Variants in KIF6 observed in about 807,000 individuals in gnomAD.
KIF6 encodes the protein kinesin-like protein KIF6.
A neutral mutation model predicts 112.7 loss-of-function variants in KIF6; 106 were observed. The observed-to-expected ratio is 0.94, with a 90% confidence interval of 0.80 to 1.11. The LOEUF (loss-of-function observed/expected upper bound fraction) is 1.11. Ranked by LOEUF, KIF6 falls within the 50% of genes least tolerant of loss-of-function variation. KIF6 has a pLI of 0.00. For missense variants in KIF6, 929 were observed against 964.0 expected, an observed-to-expected ratio of 0.96 and a Z score of 0.48; for synonymous variants, 339 against 339.9, an observed-to-expected ratio of 1.00 and a Z score of 0.03.
At chr6:39,700,553 G>A (rs1163221352) in intron 3 of KIF6, among the ~76,000 whole-genome samples, 5 of 152,132 alleles carry the variant, frequency 3.3e-5, no homozygotes, top group Non-Finnish European at 5.9e-5. Context: ...GGTTGAACAA[G>A]AAACTGAAAG....
intron 13 of KIF6, among the ~76,000 whole-genome samples, chr6:39,488,331 T>C (rs552729142): frequency 6.6e-6 from 1 of 152,274 alleles, no homozygotes; most frequent in South Asian, 2.1e-4. Flanking sequence ...ATTGTCTTGT[T>C]CTGATCCACA....
rs1442027436 is a variant in KIF6 at position 39,419,885 on chromosome 6, A to T, written c.1810+63T>A. The stretch of plus-strand genomic sequence containing the variant: ...CTTCATGGCCATTTGGAGGCACATC[A>T]TGACCTGATTTTCACCAGGAAAATG... On this transcript the variant is annotated intron_variant, in intron 15 of 22. Transcript: ENST00000287152. The T allele has an allele frequency of 2.8e-6, 4 of 1,403,920 alleles. No homozygotes were observed. In the East Asian group the frequency reaches 9.1e-5, roughly 32 times the overall value. 87.0% of individuals were successfully genotyped at this position (1,403,920 alleles called of 1,614,324 possible).
Position 39,662,961 on chromosome 6 carries a change from C to G in KIF6, c.252-23204G>C, listed in dbSNP as rs1276617337. On this transcript the variant is annotated intron_variant, in intron 3 of 22. Coordinates refer to ENST00000287152, the MANE Select transcript of KIF6 (RefSeq NM_145027.6). ...CCAGGCTGGAGTGCAGTGGCACCATCATGGCTCACTGCAGCCTCAACCTCA... is the reference window on the plus strand; with the variant it reads ...CCAGGCTGGAGTGCAGTGGCACCATGATGGCTCACTGCAGCCTCAACCTCA... Among the ~76,000 whole-genome samples the G allele has an allele frequency of 4.6e-5, 7 of 151,610 alleles. No individual in the cohort carries two copies. The South Asian group carries it at 1.5e-3, about 32-fold the overall frequency.
chr6:39,476,548 A>G (rs1013132752), intron 13 of KIF6, among the ~76,000 whole-genome samples: 1 of 152,212 alleles, frequency 6.6e-6, no homozygotes, highest in Non-Finnish European at 1.5e-5. Flanking sequence ...GTGGACTCTA[A>G]GAAGAAATGA....
intron 3 of KIF6, among the ~76,000 whole-genome samples, chr6:39,687,877 T>C (rs1162989035): frequency 2.0e-5 from 3 of 152,174 alleles, no homozygotes; most frequent in Non-Finnish European, 4.4e-5. Flanking sequence ...TTACTCCATG[T>C]AAAGCACTAT....
chr6:39,706,059 C>T (rs1007519927), intron 3 of KIF6, among the ~76,000 whole-genome samples: 2 of 152,154 alleles, frequency 1.3e-5, no homozygotes, highest in Non-Finnish European at 2.9e-5. Context: ...ACTTTTTAAT[C>T]CAAGTAACGC....
At chr6:39,590,447 ATATAT>A (rs1475210314) in intron 7 of KIF6, among the ~76,000 whole-genome samples, 4 of 114,358 alleles carry the variant, frequency 3.5e-5, no homozygotes, top group African/African-American at 1.6e-4. Context: ...ATATATATAT[ATATAT>A]TTTTTTTTTT....
intron 22 of KIF6, among the ~76,000 whole-genome samples, chr6:39,337,116 CTT>C (rs1227283320): frequency 3.3e-5 from 4 of 121,112 alleles, no homozygotes; most frequent in Non-Finnish European, 6.6e-5. Flanking sequence ...TCTTCTCTTT[CTT>C]TCTTTCTTTC....
Position 39,336,345 on chromosome 6 carries a change from C to CCAGCCT in KIF6, c.*181_*186dup. The CCAGCCT allele has an allele frequency of 1.6e-6, 1 of 615,168 alleles. No individual in the cohort carries two copies. The highest frequency in any genetic ancestry group is 2.9e-6 in the Non-Finnish European group (1 of 347,672). 38.1% of individuals were successfully genotyped at this position (615,168 alleles called of 1,614,324 possible). ...AAGGATGTTGTGGTCAGCCCCAGCCCCAGCCTCTCGGTGGCCTCCAGGTCA... is the reference window on the plus strand; with the variant it reads ...AAGGATGTTGTGGTCAGCCCCAGCCCCAGCCTCAGCCTCTCGGTGGCCTCCAGGTCA... On this transcript the variant is annotated 3_prime_UTR_variant, in exon 23 of 23. Transcript: ENST00000287152.
At chr6:39,412,006 C>T (rs1562189140) in intron 15 of KIF6, among the ~76,000 whole-genome samples, 2 of 152,160 alleles carry the variant, frequency 1.3e-5, no homozygotes, top group South Asian at 4.1e-4. Context: ...CTAGCCAGGT[C>T]GTGGACCTTG....
intron 13 of KIF6, among the ~76,000 whole-genome samples, chr6:39,454,696 T>A (rs1772936351): frequency 1.3e-5 from 2 of 152,122 alleles, no homozygotes; most frequent in South Asian, 4.1e-4. Context: ...GGCGAGGCAT[T>A]GCCTCACCTG....
chr6:39,722,225 C>T (rs565871751), intron 1 of KIF6, among the ~76,000 whole-genome samples: 4 of 151,962 alleles, frequency 2.6e-5, no homozygotes, highest in South Asian at 2.1e-4. Flanking sequence ...TGAGGAGTTA[C>T]ATCCATTTTT....
intron 14 of KIF6, among the ~76,000 whole-genome samples, chr6:39,427,392 A>G (rs1770846509): frequency 2.0e-5 from 3 of 152,210 alleles, no homozygotes; most frequent in African/African-American, 7.2e-5. Context: ...ATTTGTTTTC[A>G]TACAAGAACA....
chr6:39,697,285 T>C (rs1788600451), intron 3 of KIF6, among the ~76,000 whole-genome samples: 1 of 152,240 alleles, frequency 6.6e-6, no homozygotes, highest in East Asian at 1.9e-4. Flanking sequence ...GATGGGGATG[T>C]GACTCCAGAA....
intron 2 of KIF6, among the ~76,000 whole-genome samples, chr6:39,715,358 GAGAAGGTTT>G (rs1789775391): frequency 6.6e-6 from 1 of 152,164 alleles, no homozygotes; most frequent in South Asian, 2.1e-4. Context: ...GTCCCACAGA[GAGAAGGTTT>G]AATCAGATTG....
At chr6:39,669,690 C>T (rs951773770) in intron 3 of KIF6, among the ~76,000 whole-genome samples, 9 of 152,162 alleles carry the variant, frequency 5.9e-5, no homozygotes, top group African/African-American at 1.4e-4. Context: ...TACTGTTCCC[C>T]GGAATAGAAT....
At chr6:39,623,076 G>C (rs1196122434) in intron 5 of KIF6, among the ~76,000 whole-genome samples, 1 of 152,180 alleles carries the variant, frequency 6.6e-6, no homozygotes, top group Non-Finnish European at 1.5e-5. Context: ...ACTGTTGACT[G>C]AAGAATTCTT....
Position 39,501,678 on chromosome 6 carries a change from T to C in KIF6, c.1645+38325A>G, listed in dbSNP as rs565413959. ...TGAAAAACATATTACAAGAACTTCA[T>C]AATGCAATCACAAGTATTAATAGCA... is the stretch of plus-strand genomic sequence containing the variant. On this transcript the variant is annotated intron_variant, in intron 13 of 22. Transcript: ENST00000287152. Among the ~76,000 whole-genome samples, 3 of 152,238 alleles carry C rather than the reference T, an allele frequency of 2.0e-5. No individual in the cohort carries two copies. The South Asian group carries it at 6.2e-4, about 32-fold the overall frequency.
At chr6:39,663,135 C>T (rs1446788620) in intron 3 of KIF6, among the ~76,000 whole-genome samples, 1 of 152,094 alleles carries the variant, frequency 6.6e-6, no homozygotes, top group Non-Finnish European at 1.5e-5. Flanking sequence ...CTCAAGTGAT[C>T]CACTGGCCTC....
Sources: gnomAD v4.1 joint callset for allele counts (sites outside exome capture counted in the v4.1 genomes callset) on GRCh38, gnomAD v4.1.1 for gene constraint, MANE v1.5 for transcripts, NCBI Gene and HGNC (gene_info 2026-07-23, HGNC 2026-07-21) for gene names.